The following ROR1 variants were observed in gnomAD, a reference collection of about 807,000 sequenced individuals.
ROR1 encodes the protein inactive tyrosine-protein kinase transmembrane receptor ROR1.
A neutral mutation model predicts 78.8 loss-of-function variants in ROR1; 19 were observed. The ratio of observed to expected loss-of-function variants is 0.24; its 90% CI spans 0.17 to 0.35. The LOEUF is 0.35. Among genes scored for constraint, ROR1 ranks in the 10% least tolerant of loss-of-function variants. The pLI is 1.00. For synonymous variants in ROR1, 386 were observed against 433.6 expected, an observed-to-expected ratio of 0.89 and a Z score of 1.36; for missense variants, 917 against 1,177.8, an observed-to-expected ratio of 0.78 and a Z score of 3.24.
chr1:64,042,734 G>T (rs891954753), intron 2 of ROR1, among the ~76,000 whole-genome samples: 2 of 152,172 alleles, frequency 1.3e-5, no homozygotes, highest in South Asian at 4.1e-4. Flanking sequence ...TTGAACTCAA[G>T]AATGTGCAAG....
intron 1 of ROR1, among the ~76,000 whole-genome samples, chr1:63,970,229 C>A (rs1311703368): frequency 3.3e-5 from 5 of 152,152 alleles, no homozygotes; most frequent in Non-Finnish European, 1.5e-5. Context: ...CCCTGTACCT[C>A]CTCCATCATC....
chr1:63,886,070 A>G (rs1645354666), intron 1 of ROR1, among the ~76,000 whole-genome samples: 1 of 152,144 alleles, frequency 6.6e-6, no homozygotes, highest in Admixed American at 6.5e-5. Flanking sequence ...AGATTCTCAT[A>G]AGGAGCATGC....
intron 8 of ROR1, among the ~76,000 whole-genome samples, chr1:64,160,477 C>CAA (rs141684682): frequency 1.4e-5 from 2 of 145,888 alleles, no homozygotes; most frequent in African/African-American, 5.0e-5. Context: ...AAGCAAACAA[C>CAA]AAAAAAAAAA....
At chr1:63,816,831 G>A (rs1045312914) in intron 1 of ROR1, among the ~76,000 whole-genome samples, 7 of 152,168 alleles carry the variant, frequency 4.6e-5, no homozygotes, top group East Asian at 1.9e-4. Flanking sequence ...AGGATTGCGT[G>A]TGCTCATGTA....
chr1:63,779,449 G>C (rs1021563928), intron 1 of ROR1, among the ~76,000 whole-genome samples: 1 of 151,978 alleles, frequency 6.6e-6, no homozygotes, highest in Non-Finnish European at 1.5e-5. Context: ...CATTCCCTGG[G>C]GTGTGACGGG....
intron 2 of ROR1, among the ~76,000 whole-genome samples, chr1:64,027,769 T>C (rs967891836): frequency 6.6e-6 from 1 of 151,762 alleles, no homozygotes; most frequent in Non-Finnish European, 1.5e-5. Flanking sequence ...CTCACTGCAA[T>C]CTCTGCCTCC....
Position 64,177,540 on chromosome 1 carries a change from C to T in ROR1, c.1499C>T (p.Ala500Val). 6.2e-7 allele frequency: 1 copy of T among 1,614,114 alleles called. No individual in the cohort carries two copies. Among genetic ancestry groups the T allele is most frequent in the South Asian group, 1.1e-5 (1 of 91,084 alleles). The change falls in exon 9 of 9, where the codon GCT becomes GTT. Residue 500 changes from alanine to valine, a missense_variant. Physicochemically the swap from Ala to Val is moderately conservative, Grantham distance 64. This residue lies in a region of ROR1 where 835 missense variants were observed against 1,069.8 expected (regional missense o/e 0.78). Coordinates refer to ENST00000371079, the MANE Select transcript of ROR1 (RefSeq NM_005012.4). ...GHLYLPGMDH[A>V]QLVAIKTLKD... ...CTCTATCTCCCAGGCATGGACCATGCTCAGCTGGTTGCTATCAAGACCTTG... is the reference window on the plus strand; with the variant it reads ...CTCTATCTCCCAGGCATGGACCATGTTCAGCTGGTTGCTATCAAGACCTTG...
chr1:64,116,745 C>T (rs554243991), intron 4 of ROR1, among the ~76,000 whole-genome samples: 30 of 152,208 alleles, frequency 2.0e-4, no homozygotes, highest in South Asian at 2.1e-4. Flanking sequence ...GGCTGGGACT[C>T]GGGATCTGGC....
At chr1:63,850,801 GGAA>G (rs1314551258) in intron 1 of ROR1, among the ~76,000 whole-genome samples, 1 of 152,110 alleles carries the variant, frequency 6.6e-6, no homozygotes, top group Non-Finnish European at 1.5e-5. Context: ...ACATTTCTAA[GGAA>G]TTGAAGAGAC....
Position 63,931,751 on chromosome 1 carries a change from A to G in ROR1, c.92-77554A>G, listed in dbSNP as rs1489310333. The stretch of plus-strand genomic sequence containing the variant: ...CACAGTGTATACTCATCTTGGTATC[A>G]CAGTGCTTGTGTTTGAGTAACTCTT... On this transcript the variant is annotated intron_variant, in intron 1 of 8. Coordinates refer to ENST00000371079, the MANE Select transcript of ROR1 (RefSeq NM_005012.4). Among the ~76,000 whole-genome samples the G allele has an allele frequency of 4.5e-4, 68 of 152,168 alleles. 2 individuals are homozygous for G. The highest frequency in any genetic ancestry group is 4.5e-3 in the Admixed American group (68 of 15,266).
intron 2 of ROR1, among the ~76,000 whole-genome samples, chr1:64,045,410 ATATT>A (rs1378029194): frequency 2.0e-4 from 30 of 152,258 alleles, no homozygotes; most frequent in Admixed American, 1.8e-3. Flanking sequence ...TTTTATTAAA[ATATT>A]TATGTTAAGC....
At chr1:63,947,248 C>T (rs1440529406) in intron 1 of ROR1, among the ~76,000 whole-genome samples, 2 of 152,168 alleles carry the variant, frequency 1.3e-5, no homozygotes, top group Non-Finnish European at 2.9e-5. Flanking sequence ...TTAATCATCG[C>T]ACTGGCAGGC....
At chr1:63,901,429 G>A (rs1329061237) in intron 1 of ROR1, among the ~76,000 whole-genome samples, 1 of 152,146 alleles carries the variant, frequency 6.6e-6, no homozygotes, top group African/African-American at 2.4e-5. Flanking sequence ...GTCTGTAGCT[G>A]TAATAGCAGT....
At chr1:63,956,252 C>T (rs913494263) in intron 1 of ROR1, among the ~76,000 whole-genome samples, 5 of 152,160 alleles carry the variant, frequency 3.3e-5, no homozygotes, top group Middle Eastern at 3.2e-3. Flanking sequence ...TCTTCTGTAT[C>T]GCTCTAGCTG....
At chr1:63,822,465 A>G (rs1644929010) in intron 1 of ROR1, among the ~76,000 whole-genome samples, 1 of 146,602 alleles carries the variant, frequency 6.8e-6, no homozygotes, top group Admixed American at 6.7e-5. Context: ...TAAACATGTG[A>G]TGTGTTTGTT....
intron 1 of ROR1, among the ~76,000 whole-genome samples, chr1:63,892,213 G>A (rs1262735038): frequency 2.0e-5 from 3 of 152,156 alleles, no homozygotes; most frequent in South Asian, 4.1e-4. Context: ...ATTGAATAGG[G>A]GAAAAGGTAC....
chr1:63,797,260 G>A (rs1644766793), intron 1 of ROR1, among the ~76,000 whole-genome samples: 1 of 152,208 alleles, frequency 6.6e-6, no homozygotes, highest in Admixed American at 6.5e-5. Flanking sequence ...AAGGCTCAGA[G>A]TGGTGAAGTG....
intron 1 of ROR1, among the ~76,000 whole-genome samples, chr1:63,876,675 T>TGC (rs1490557247): frequency 1.2e-5 from 1 of 83,198 alleles, no homozygotes; most frequent in Admixed American, 1.1e-4. Context: ...TGTGTGTGTG[T>TGC]GTGTGTGCGC....
chr1:63,968,461 C>T (rs1044364534), intron 1 of ROR1, among the ~76,000 whole-genome samples: 7 of 135,542 alleles, frequency 5.2e-5, no homozygotes, highest in Admixed American at 2.7e-4. Flanking sequence ...ATTAACACTT[C>T]TCTTTCTGTT....
Sources: allele counts gnomAD v4.1 joint callset (sites outside exome capture counted in the v4.1 genomes callset), GRCh38; gene constraint gnomAD v4.1.1; regional missense constraint gnomAD v4.1.1; transcripts MANE v1.5; gene names NCBI Gene and HGNC (gene_info 2026-07-23, HGNC 2026-07-21).